The following IQCM variants were observed in gnomAD, a reference collection of about 807,000 sequenced individuals.
IQCM encodes the protein IQ domain-containing protein M.
In IQCM, 45 loss-of-function variants were observed where a neutral mutation model predicts 57.6. The ratio of observed to expected loss-of-function variants is 0.78; its 90% CI spans 0.62 to 1.00. IQCM has a LOEUF of 1.00. Ranked by LOEUF, IQCM falls within the 50% of genes least tolerant of loss-of-function variation. IQCM has a pLI of 0.00. For missense variants in IQCM, 468 were observed against 511.6 expected (o/e 0.91, Z 0.82); for synonymous variants, 148 against 158.9 (o/e 0.93, Z 0.51).
intron 13 of IQCM, among the ~76,000 whole-genome samples, chr4:149,429,049 G>T (rs545349421): frequency 6.6e-6 from 1 of 151,918 alleles, no homozygotes; most frequent in South Asian, 2.1e-4. Flanking sequence ...TGATTTTCTA[G>T]AAAGATAATA....
intron 5 of IQCM, among the ~76,000 whole-genome samples, chr4:149,721,135 TA>T (rs1266117512): frequency 6.6e-6 from 1 of 152,066 alleles, no homozygotes; most frequent in Non-Finnish European, 1.5e-5. Flanking sequence ...AAATACACAA[TA>T]AAAAATAATA....
intron 12 of IQCM, chr4:149,514,476 GAAAC>G (rs1332907548): frequency 1.2e-4 from 18 of 152,210 alleles, no homozygotes; most frequent in African/African-American, 4.1e-4. Context: ...CTATTGTTGT[GAAAC>G]AAACAATGAC....
chr4:149,558,798 T>C (rs1412601774), intron 10 of IQCM, among the ~76,000 whole-genome samples: 4 of 152,174 alleles, frequency 2.6e-5, no homozygotes, highest in African/African-American at 9.7e-5. Context: ...CATGAAAGAA[T>C]TTAAGAACTA....
At chr4:149,645,989 G>A (rs1341807789) in intron 7 of IQCM, among the ~76,000 whole-genome samples, 1 of 152,112 alleles carries the variant, frequency 6.6e-6, no homozygotes, top group Non-Finnish European at 1.5e-5. Flanking sequence ...AATACTTCCT[G>A]CTTATACAGT....
chr4:149,665,986 T>C (rs538744704), intron 7 of IQCM: 1 of 152,348 alleles, frequency 6.6e-6, no homozygotes, highest in East Asian at 1.9e-4. Context: ...CTCAGGCCTT[T>C]GGCCACAGAC....
chr4:149,502,565 T>C lies in IQCM; in HGVS notation c.1228+45890A>G, dbSNP rs570147676. ...GCATGCACCTGTAAGTCCTAGCTAC[T>C]CAGGAGGCTGAGGTGTGAGGATCAC... is the stretch of plus-strand genomic sequence containing the variant. On this transcript the variant is annotated intron_variant, in intron 12 of 13. Transcript: ENST00000636793. Among the ~76,000 whole-genome samples the C allele has an allele frequency of 3.9e-5, 6 of 152,174 alleles. No individual in the cohort carries two copies. The South Asian group carries it at 6.2e-4, about 16-fold the overall frequency.
intron 13 of IQCM, among the ~76,000 whole-genome samples, chr4:149,367,872 T>C (rs1015354468): frequency 2.0e-5 from 3 of 152,068 alleles, no homozygotes; most frequent in East Asian, 3.8e-4. Context: ...TCAATCTCAC[T>C]GTGTTTTTTC....
chr4:149,650,410 T>C (rs548785989), intron 7 of IQCM, among the ~76,000 whole-genome samples: 2 of 151,064 alleles, frequency 1.3e-5, no homozygotes, highest in Non-Finnish European at 3.0e-5. Flanking sequence ...CTGGGTTTTT[T>C]TTTTTTTTTT....
At chr4:149,477,017 G>C (rs1740276457) in intron 12 of IQCM, among the ~76,000 whole-genome samples, 1 of 152,114 alleles carries the variant, frequency 6.6e-6, no homozygotes, top group African/African-American at 2.4e-5. Flanking sequence ...TGGCTACATA[G>C]AAGCTTATAC....
chr4:149,509,250 A>G (rs938013414), intron 12 of IQCM, among the ~76,000 whole-genome samples: 1 of 151,998 alleles, frequency 6.6e-6, no homozygotes, highest in African/African-American at 2.4e-5. Flanking sequence ...AAGTTTTGAT[A>G]TTAGATTAGA....
At position 149,358,940 on chromosome 4, in the gene IQCM, G is replaced by A. The variant is rs74453917; in HGVS notation, c.1391-6874C>T. On this transcript the variant is annotated intron_variant, in intron 13 of 13. Transcript: ENST00000636793. ...GGAAATGAGAAAGAGAGAGAGACAC[G>A]GGTTGAGGGGTAGGGAGGGTGCAGG... is the stretch of plus-strand genomic sequence containing the variant. Among the ~76,000 whole-genome samples, 17 of 117,244 alleles carry A rather than the reference G, an allele frequency of 1.4e-4. No homozygotes were observed. The East Asian group carries it at 1.6e-3, about 11-fold the overall frequency. The allele number at this position is 117,244 out of a possible 152,430, so 76.9% of individuals were successfully genotyped here.
chr4:149,467,247 T>C (rs1462089646), intron 12 of IQCM, among the ~76,000 whole-genome samples: 1 of 152,240 alleles, frequency 6.6e-6, no homozygotes, highest in Non-Finnish European at 1.5e-5. Flanking sequence ...GCTGAGATGC[T>C]GTAATCTTAA....
chr4:149,493,850 TG>T (rs1240351474), intron 12 of IQCM, among the ~76,000 whole-genome samples: 3 of 150,474 alleles, frequency 2.0e-5, no homozygotes, highest in African/African-American at 7.3e-5. Context: ...TGCGAGTAGT[TG>T]GGAGGACTAC....
chr4:149,593,926 G>A (rs1468553022), intron 8 of IQCM, among the ~76,000 whole-genome samples: 6 of 151,870 alleles, frequency 4.0e-5, no homozygotes, highest in East Asian at 1.9e-4. Context: ...CTCTTTTTTT[G>A]TTGTGTCTCT....
intron 12 of IQCM, among the ~76,000 whole-genome samples, chr4:149,469,136 T>C (rs923523956): frequency 8.5e-5 from 13 of 152,126 alleles, no homozygotes; most frequent in African/African-American, 3.1e-4. Flanking sequence ...TTCAACGAGT[T>C]GAGAGAAGGC....
chr4:149,356,728 G>A (rs1163888573), intron 13 of IQCM, among the ~76,000 whole-genome samples: 1 of 152,062 alleles, frequency 6.6e-6, no homozygotes, highest in African/African-American at 2.4e-5. Flanking sequence ...GGTAATGCGG[G>A]CTCTTTTTTG....
intron 7 of IQCM, among the ~76,000 whole-genome samples, chr4:149,623,760 T>A (rs963505088): frequency 3.3e-5 from 5 of 150,622 alleles, no homozygotes; most frequent in Non-Finnish European, 7.4e-5. Context: ...TGTACACATG[T>A]GCACAAGAGT....
At chr4:149,403,495 G>A (rs1409813691) in intron 13 of IQCM, among the ~76,000 whole-genome samples, 1 of 151,914 alleles carries the variant, frequency 6.6e-6, no homozygotes, top group Non-Finnish European at 1.5e-5. Flanking sequence ...GAGAGCAATA[G>A]CAATTTGCTA....
intron 12 of IQCM, among the ~76,000 whole-genome samples, chr4:149,464,297 T>A (rs747863491): frequency 1.3e-5 from 2 of 152,176 alleles, no homozygotes; most frequent in Non-Finnish European, 2.9e-5. Flanking sequence ...CTAGACTAGG[T>A]CCACTTAAAT....
Sources: allele counts gnomAD v4.1 joint callset (sites outside exome capture counted in the v4.1 genomes callset), GRCh38; gene constraint gnomAD v4.1.1; transcripts MANE v1.5; gene names NCBI Gene and HGNC (gene_info 2026-07-23, HGNC 2026-07-21).